The following SDC2 variants were observed in gnomAD, a reference collection of about 807,000 sequenced individuals.
SDC2 encodes the protein syndecan-2.
SDC2 carries 13 observed loss-of-function variants against 22.2 expected under a neutral mutation model. The ratio of observed to expected loss-of-function variants is 0.59; its 90% CI spans 0.38 to 0.93. The LOEUF (loss-of-function observed/expected upper bound fraction) is 0.93. Ranked by LOEUF, SDC2 falls within the 40% of genes least tolerant of loss-of-function variation. The probability of loss-of-function intolerance (pLI) is 0.00; values close to 1 mark genes in which losing one functional copy is unlikely to be tolerated. For missense variants in SDC2, 235 were observed against 246.8 expected (o/e 0.95, Z 0.32); for synonymous variants, 94 against 92.8 (o/e 1.01, Z -0.07).
At position 96,521,186 on chromosome 8, in the gene SDC2, G is replaced by A. The variant is rs114699649; in HGVS notation, c.60+26855G>A. On this transcript the variant is annotated intron_variant, in intron 1 of 4. Transcript: ENST00000302190. ...TATAAATAATATGTTGTGTATTTTTGAAAACTGCGCTGAGAGGAAACCAAA... is the reference window on the plus strand; with the variant it reads ...TATAAATAATATGTTGTGTATTTTTAAAAACTGCGCTGAGAGGAAACCAAA... Among the ~76,000 whole-genome samples, 460 of 152,250 alleles carry A rather than the reference G, an allele frequency of 3.0e-3. 6 individuals are homozygous for A. Among genetic ancestry groups the A allele is most frequent in the African/African-American group, 0.01 (416 of 41,562 alleles).
rs529190548 is a variant in SDC2, at chr8:96,534,170, C to T, written c.60+39839C>T. ...GACCTGCAAGCGCCGTGCGCAGCCC[C>T]GGTTCCTGCCTGTGTTTCTCCCTCC... On this transcript the variant is annotated intron_variant, in intron 1 of 4. Transcript: ENST00000302190. Among the ~76,000 whole-genome samples the T allele has an allele frequency of 4.5e-4, 69 of 152,308 alleles. 1 individual carries two copies. The highest frequency in any genetic ancestry group is 1.2e-3 in the African/African-American group (49 of 41,582).
At chr8:96,542,394 A>G (rs145291842) in intron 1 of SDC2, among the ~76,000 whole-genome samples, 1 of 152,350 alleles carries the variant, frequency 6.6e-6, no homozygotes, top group East Asian at 1.9e-4. Flanking sequence ...ACAGTAAACC[A>G]TAATGAATGT....
At chr8:96,595,596 A>G (rs1414541773) in intron 2 of SDC2, among the ~76,000 whole-genome samples, 1 of 151,624 alleles carries the variant, frequency 6.6e-6, no homozygotes, top group Non-Finnish European at 1.5e-5. Flanking sequence ...TTTTGTTCCT[A>G]CTTCGCAGAT....
intron 1 of SDC2, among the ~76,000 whole-genome samples, chr8:96,563,850 A>C (rs916645362): frequency 3.3e-5 from 5 of 152,168 alleles, no homozygotes; most frequent in African/African-American, 1.2e-4. Flanking sequence ...TGTCCATAAA[A>C]CTACTGATGA....
chr8:96,604,641 A>G (rs1189498600), intron 3 of SDC2, among the ~76,000 whole-genome samples: 1 of 152,142 alleles, frequency 6.6e-6, no homozygotes, highest in Admixed American at 6.5e-5. Flanking sequence ...ACTGTTACGG[A>G]TATCCTATCT....
At chr8:96,553,707 G>A (rs1163202814) in intron 1 of SDC2, among the ~76,000 whole-genome samples, 1 of 151,674 alleles carries the variant, frequency 6.6e-6, no homozygotes, top group Non-Finnish European at 1.5e-5. Flanking sequence ...TTATTACTTT[G>A]CTTCAGAATA....
At chr8:96,510,180 C>T (rs1813306619) in intron 1 of SDC2, among the ~76,000 whole-genome samples, 1 of 152,170 alleles carries the variant, frequency 6.6e-6, no homozygotes, top group Non-Finnish European at 1.5e-5. Flanking sequence ...GCATGTTTTA[C>T]TGATTGGAAA....
At chr8:96,512,001 C>T (rs1480217336) in intron 1 of SDC2, among the ~76,000 whole-genome samples, 1 of 152,182 alleles carries the variant, frequency 6.6e-6, no homozygotes, top group African/African-American at 2.4e-5. Context: ...CTGCTGTGCT[C>T]ACACGCAGTT....
intron 1 of SDC2, among the ~76,000 whole-genome samples, chr8:96,500,640 C>T (rs1044883214): frequency 8.1e-6 from 1 of 122,962 alleles, no homozygotes; most frequent in Non-Finnish European, 1.6e-5. Context: ...GCAGCCTGGG[C>T]GACAGAGTGA....
intron 1 of SDC2, among the ~76,000 whole-genome samples, chr8:96,506,579 G>A (rs1353392958): frequency 1.3e-5 from 2 of 151,994 alleles, no homozygotes; most frequent in African/African-American, 4.8e-5. Context: ...TGGGCTCAAG[G>A]CATTTTACTA....
intron 1 of SDC2, among the ~76,000 whole-genome samples, chr8:96,495,363 A>C (rs1161069859): frequency 1.3e-5 from 2 of 152,160 alleles, no homozygotes; most frequent in South Asian, 4.1e-4. Context: ...TTGTTTCCCC[A>C]CGTCGCCCAA....
intron 1 of SDC2, among the ~76,000 whole-genome samples, chr8:96,573,592 C>T (rs2130588871): frequency 6.6e-6 from 1 of 152,176 alleles, no homozygotes; most frequent in South Asian, 2.1e-4. Flanking sequence ...CTCACTTACC[C>T]TTCATTCAAT....
intron 1 of SDC2, among the ~76,000 whole-genome samples, chr8:96,498,453 C>T (rs1438546108): frequency 6.6e-6 from 1 of 150,962 alleles, no homozygotes; most frequent in Non-Finnish European, 1.5e-5. Context: ...AATGTGGTCC[C>T]TTCCTGCAGC....
At chr8:96,536,423 G>A (rs1813756181) in intron 1 of SDC2, among the ~76,000 whole-genome samples, 1 of 152,062 alleles carries the variant, frequency 6.6e-6, no homozygotes, top group African/African-American at 2.4e-5. Flanking sequence ...ATGGCCCAAG[G>A]GATCCTCCCA....
At chr8:96,518,449 C>G (rs1466951691) in intron 1 of SDC2, among the ~76,000 whole-genome samples, 1 of 151,288 alleles carries the variant, frequency 6.6e-6, no homozygotes, top group Admixed American at 6.6e-5. Flanking sequence ...CAAGCTCCGC[C>G]TCCCAGGTTC....
intron 1 of SDC2, among the ~76,000 whole-genome samples, chr8:96,520,884 A>G (rs1188174094): frequency 6.6e-6 from 1 of 152,236 alleles, no homozygotes; most frequent in Non-Finnish European, 1.5e-5. Context: ...CTGGACACCC[A>G]GGGGCAAAAG....
chr8:96,593,182 G>T (rs1052806841), intron 1 of SDC2, among the ~76,000 whole-genome samples: 2 of 152,228 alleles, frequency 1.3e-5, no homozygotes. Flanking sequence ...TGAAAGTCAG[G>T]TAAGTTTAGT....
chr8:96,581,007 G>GA (rs932987815), intron 1 of SDC2, among the ~76,000 whole-genome samples: 9 of 151,886 alleles, frequency 5.9e-5, no homozygotes, highest in Admixed American at 4.6e-4. Context: ...CTAACTTGGA[G>GA]AAAAAAAATT....
chr8:96,557,338 C>T (rs62516105), intron 1 of SDC2, among the ~76,000 whole-genome samples: 42,736 of 106,176 alleles, frequency 0.4, 9,806 homozygotes, highest in Non-Finnish European at 0.58. Context: ...ATGTTTATTG[C>T]GGCATTATTC....
Sources: gnomAD v4.1 joint callset for allele counts (sites outside exome capture counted in the v4.1 genomes callset) on GRCh38, gnomAD v4.1.1 for gene constraint, MANE v1.5 for transcripts, NCBI Gene and HGNC (gene_info 2026-07-23, HGNC 2026-07-21) for gene names.